The following PLXNA2 variants were observed in gnomAD, a reference collection of about 807,000 sequenced individuals.
The protein encoded by PLXNA2 is plexin A2, also known as plexin-A2.
Under a neutral mutation model 193.5 loss-of-function variants are expected in PLXNA2, and 91 were observed. The ratio of observed to expected loss-of-function variants is 0.47; its 90% CI spans 0.40 to 0.56. The LOEUF is 0.56. Among genes scored for constraint, PLXNA2 ranks in the 20% least tolerant of loss-of-function variants. The probability of loss-of-function intolerance (pLI) is 0.00; values close to 1 mark genes in which losing one functional copy is unlikely to be tolerated. For missense variants in PLXNA2, 1,995 were observed against 2,503.2 expected, an observed-to-expected ratio of 0.80 and a Z score of 4.33; for synonymous variants, 997 against 1,027.3, an observed-to-expected ratio of 0.97 and a Z score of 0.56.
intron 3 of PLXNA2, among the ~76,000 whole-genome samples, chr1:208,181,208 C>A (rs1001576982): frequency 6.6e-6 from 1 of 152,200 alleles, no homozygotes; most frequent in Non-Finnish European, 1.5e-5. Context: ...TACCACTTCC[C>A]GACCCAGGTA....
At position 208,051,105 on chromosome 1, in the gene PLXNA2, G is replaced by GA; in HGVS notation, c.3162-4dup. On this transcript the variant is annotated splice_polypyrimidine_tract_variant and splice_region_variant and intron_variant, in intron 16 of 31. Coordinates refer to ENST00000367033, the MANE Select transcript of PLXNA2 (RefSeq NM_025179.4). ...TGATGGTCAGGGGTGTGTGGCCACT[G>GA]AAAACAGGCAGAGGCTCGGTTAGGT... The GA allele has an allele frequency of 6.2e-7, 1 of 1,613,190 alleles. No individual in the cohort carries two copies. The highest frequency in any genetic ancestry group is 8.5e-7 in the Non-Finnish European group (1 of 1,179,150).
At chr1:208,153,350 G>C (rs912144950) in intron 3 of PLXNA2, among the ~76,000 whole-genome samples, 1 of 152,174 alleles carries the variant, frequency 6.6e-6, no homozygotes, top group Non-Finnish European at 1.5e-5. Context: ...TCACAAAGCT[G>C]GTAGGCAAAA....
intron 3 of PLXNA2, among the ~76,000 whole-genome samples, chr1:208,195,774 T>A (rs1009982225): frequency 1.3e-5 from 2 of 151,734 alleles, no homozygotes; most frequent in African/African-American, 4.8e-5. Context: ...TGGGGAGGCA[T>A]CAAGGAGACA....
intron 4 of PLXNA2, among the ~76,000 whole-genome samples, chr1:208,110,305 T>C (rs1190294131): frequency 1.3e-5 from 2 of 152,250 alleles, no homozygotes; most frequent in African/African-American, 4.8e-5. Context: ...TGATGTCTAC[T>C]GGATGCCTGA....
intron 12 of PLXNA2, among the ~76,000 whole-genome samples, chr1:208,068,974 T>A (rs893509415): frequency 6.6e-6 from 1 of 152,182 alleles, no homozygotes; most frequent in African/African-American, 2.4e-5. Context: ...GTTTGCAGGA[T>A]TCAGAAGGAA....
chr1:208,183,091 C>T (rs2102550355), intron 3 of PLXNA2, among the ~76,000 whole-genome samples: 1 of 152,218 alleles, frequency 6.6e-6, no homozygotes. Flanking sequence ...CTCTGGGGCT[C>T]CCCCTTCGTC....
intron 3 of PLXNA2, among the ~76,000 whole-genome samples, chr1:208,203,186 G>A (rs1019367961): frequency 3.9e-5 from 6 of 152,178 alleles, no homozygotes; most frequent in Non-Finnish European, 8.8e-5. Context: ...CCAGTTCTGG[G>A]GACCCAAGAG....
chr1:208,056,314 A>G (rs1250946922), intron 13 of PLXNA2, among the ~76,000 whole-genome samples: 1 of 152,226 alleles, frequency 6.6e-6, no homozygotes, highest in Middle Eastern at 3.2e-3. Context: ...CCTCTCTTCT[A>G]ATGAGGGTGT....
intron 3 of PLXNA2, among the ~76,000 whole-genome samples, chr1:208,191,233 A>G (rs1343051773): frequency 6.6e-6 from 1 of 152,224 alleles, no homozygotes; most frequent in Non-Finnish European, 1.5e-5. Flanking sequence ...AACACAGCAC[A>G]CATCTGCAAG....
chr1:208,111,241 T>A (rs892724014), intron 4 of PLXNA2, among the ~76,000 whole-genome samples: 13 of 151,852 alleles, frequency 8.6e-5, no homozygotes, highest in Non-Finnish European at 1.8e-4. Context: ...ATTTAATTTA[T>A]TTTTTTTGGA....
intron 12 of PLXNA2, among the ~76,000 whole-genome samples, chr1:208,063,028 TG>T (rs1253861693): frequency 6.6e-6 from 1 of 152,170 alleles, no homozygotes; most frequent in Non-Finnish European, 1.5e-5. Flanking sequence ...TTAATCCACT[TG>T]GAATGAGCTT....
At chr1:208,200,802 C>T (rs186622545) in intron 3 of PLXNA2, among the ~76,000 whole-genome samples, 29 of 151,872 alleles carry the variant, frequency 1.9e-4, no homozygotes, top group African/African-American at 4.8e-4. Context: ...GACGGAGTTT[C>T]GCCATGTTGG....
At chr1:208,143,599 C>T (rs1293985241) in intron 3 of PLXNA2, among the ~76,000 whole-genome samples, 1 of 152,154 alleles carries the variant, frequency 6.6e-6, no homozygotes, top group Non-Finnish European at 1.5e-5. Flanking sequence ...TAGTAGCTGA[C>T]TCCTGACCAA....
rs555119946 is a variant in PLXNA2, at chr1:208,069,061, G to A, written c.2587-8224C>T. Among the ~76,000 whole-genome samples the A allele has an allele frequency of 2.2e-4, 34 of 152,142 alleles. 1 individual carries two copies. The highest frequency in any genetic ancestry group is 6.0e-4 in the African/African-American group (25 of 41,428). On this transcript the variant is annotated intron_variant, in intron 12 of 31. Coordinates refer to ENST00000367033, the MANE Select transcript of PLXNA2 (RefSeq NM_025179.4). ...TGCCCCAGGAGCAGTCAGTGACCAC[G>A]CCCAGGTATAAAGGTGGCTAGTTTA...
chr1:208,110,704 C>A (rs1327510769), intron 4 of PLXNA2, among the ~76,000 whole-genome samples: 1 of 152,158 alleles, frequency 6.6e-6, no homozygotes, highest in African/African-American at 2.4e-5. Context: ...TGTAGGGTAA[C>A]AGAAACAAAA....
At chr1:208,040,903 G>A (rs1436354323) in intron 22 of PLXNA2, among the ~76,000 whole-genome samples, 3 of 152,190 alleles carry the variant, frequency 2.0e-5, no homozygotes, top group Non-Finnish European at 4.4e-5. Flanking sequence ...GGAACAAAGC[G>A]GCTGTGACAG....
At chr1:208,094,193 C>T (rs999891106) in intron 8 of PLXNA2, among the ~76,000 whole-genome samples, 1 of 152,134 alleles carries the variant, frequency 6.6e-6, no homozygotes, top group African/African-American at 2.4e-5. Flanking sequence ...GAAAATGGAC[C>T]AAGGGCCTAA....
At chr1:208,103,905 C>A (rs1667178420) in intron 4 of PLXNA2, among the ~76,000 whole-genome samples, 2 of 152,196 alleles carry the variant, frequency 1.3e-5, no homozygotes, top group Non-Finnish European at 2.9e-5. Context: ...CCCTGCCCCC[C>A]AGAGAGTGTA....
At chr1:208,187,626 C>CGAAG (rs1670049769) in intron 3 of PLXNA2, among the ~76,000 whole-genome samples, 1 of 152,206 alleles carries the variant, frequency 6.6e-6, no homozygotes. Context: ...CAGTGCTATG[C>CGAAG]GAAGACGTCT....
Sources: gnomAD v4.1 joint callset for allele counts (sites outside exome capture counted in the v4.1 genomes callset) on GRCh38, gnomAD v4.1.1 for gene constraint, MANE v1.5 for transcripts, NCBI Gene and HGNC (gene_info 2026-07-23, HGNC 2026-07-21) for gene names.